The following CSRNP2 variants were observed in gnomAD, a reference collection of about 807,000 sequenced individuals.
CSRNP2 encodes the protein cysteine and serine rich nuclear protein 2.
CSRNP2 carries 11 observed loss-of-function variants against 36.6 expected under a neutral mutation model. The observed-to-expected ratio is 0.30, with a 90% CI of 0.19 to 0.50. CSRNP2 has a LOEUF of 0.50. Among genes scored for constraint, CSRNP2 ranks in the 20% least tolerant of loss-of-function variants. The pLI, the probability that CSRNP2 is intolerant of heterozygous loss-of-function variation, is 0.98. For synonymous variants in CSRNP2, 248 were observed against 275.3 expected, an observed-to-expected ratio of 0.90 and a Z score of 0.98; for missense variants, 483 against 691.4, an observed-to-expected ratio of 0.70 and a Z score of 3.38.
At chr12:51,070,495 A>T (rs952745150) in intron 3 of CSRNP2, among the ~76,000 whole-genome samples, 4 of 152,182 alleles carry the variant, frequency 2.6e-5, no homozygotes, top group African/African-American at 9.7e-5. Flanking sequence ...TTAGAGATGT[A>T]ACACGAGGAC....
At chr12:51,074,951 G>A (rs1939333759) in intron 2 of CSRNP2, among the ~76,000 whole-genome samples, 1 of 151,932 alleles carries the variant, frequency 6.6e-6, no homozygotes, top group Admixed American at 6.6e-5. Context: ...TGTAGTCCCA[G>A]CTACTCAGGA....
Position 51,067,642 on chromosome 12 carries a change from G to C in CSRNP2, c.708+31C>G, listed in dbSNP as rs4768956. ...ACCTCACCCCGCTGACCCTGGTGTA[G>C]ATATACTATCTCAGGCCAACTTGGA... On this transcript the variant is annotated intron_variant, in intron 4 of 4. Coordinates refer to ENST00000228515, the MANE Select transcript of CSRNP2 (RefSeq NM_030809.3). This position sits in a 1 kb window ranked among gnomAD's most constrained non-coding sequence, Gnocchi z 4.1. 3.1e-6 allele frequency: 5 copies of C among 1,601,552 alleles called. No homozygotes were observed. The African/African-American group carries it at 6.7e-5, about 21-fold the overall frequency.
intron 3 of CSRNP2, among the ~76,000 whole-genome samples, chr12:51,071,309 G>A (rs1022492884): frequency 1.3e-5 from 2 of 151,486 alleles, no homozygotes; most frequent in African/African-American, 4.9e-5. Flanking sequence ...GGTGGTGGGT[G>A]CAGCTGCAGT....
In CSRNP2 at chr12:51,072,403, C is replaced by CA. The variant is rs75810827; in HGVS notation, c.411+1419dup. On this transcript the variant is annotated intron_variant, in intron 3 of 4. Transcript: ENST00000228515. ...TGAAACCCCGTCTCTATTAAAAATACAAAAAAAAAAATAGCCGGGTGTGGT... is the reference window on the plus strand; with the variant it reads ...TGAAACCCCGTCTCTATTAAAAATACAAAAAAAAAAAATAGCCGGGTGTGGT... 2.1e-3 allele frequency among the ~76,000 whole-genome samples: 307 copies of CA among 143,888 alleles called. 3 individuals are homozygous for CA. The highest frequency in any genetic ancestry group is 6.9e-3 in the African/African-American group (269 of 39,120). The allele number at this position is 143,888 out of a possible 152,430, so 94.4% of individuals were successfully genotyped here.
intron 1 of CSRNP2, among the ~76,000 whole-genome samples, chr12:51,080,030 G>A (rs1439530516): frequency 1.4e-4 from 17 of 124,402 alleles, no homozygotes; most frequent in African/African-American, 1.8e-4. Flanking sequence ...CTGGGATCAC[G>A]CCATTGCACT....
Position 51,064,454 on chromosome 12 carries a change from A to G in CSRNP2, c.924T>C (p.Ser308=), listed in dbSNP as rs767756747. ...ASCSLTGAQG[S]ETQDFQEFIA... Reference sequence around the variant, plus strand: ...TGAACTCCTGGAAGTCCTGGGTCTCAGAGCCCTGTGCTCCTGTCAGGCTGC... The same window carrying G: ...TGAACTCCTGGAAGTCCTGGGTCTCGGAGCCCTGTGCTCCTGTCAGGCTGC... Residue 308 remains serine (S), a synonymous_variant, in exon 5 of 5, where the codon TCT becomes TCC. Coordinates refer to ENST00000228515, the MANE Select transcript of CSRNP2 (RefSeq NM_030809.3). The G allele has an allele frequency of 4.5e-5, 72 of 1,610,330 alleles. 1 individual carries two copies. The Admixed American group carries it at 9.9e-4, about 22-fold the overall frequency.
At chr12:51,073,281 G>T (rs114322690) in intron 3 of CSRNP2, among the ~76,000 whole-genome samples, 1 of 152,012 alleles carries the variant, frequency 6.6e-6, no homozygotes, top group African/African-American at 2.4e-5. Flanking sequence ...GTGGGGGTTT[G>T]GGAGGGGGAA....
chr12:51,069,137 G>A (rs950471402), intron 3 of CSRNP2, among the ~76,000 whole-genome samples: 5 of 150,854 alleles, frequency 3.3e-5, no homozygotes, highest in African/African-American at 9.8e-5. Flanking sequence ...CACCACGCCC[G>A]GCTAACTTTT....
chr12:51,067,287 G>C lies in CSRNP2; in HGVS notation c.708+386C>G, dbSNP rs191812903. Among the ~76,000 whole-genome samples the C allele has an allele frequency of 1.9e-4, 29 of 152,068 alleles. No individual in the cohort carries two copies. The highest frequency in any genetic ancestry group is 6.7e-4 in the African/African-American group (28 of 41,494). On this transcript the variant is annotated intron_variant, in intron 4 of 4. Coordinates refer to ENST00000228515, the MANE Select transcript of CSRNP2 (RefSeq NM_030809.3). This position sits in a 1 kb window ranked among gnomAD's most constrained non-coding sequence, Gnocchi z 4.1. ...CTGCTTCTTATCACCTCTGAGAAATGAAACAAAAAAAGATGAGATACCTCC... is the reference window on the plus strand; with the variant it reads ...CTGCTTCTTATCACCTCTGAGAAATCAAACAAAAAAAGATGAGATACCTCC...
chr12:51,063,812 C>G lies in CSRNP2; in HGVS notation c.1566G>C (p.Lys522Asn). The G allele has an allele frequency of 3.1e-6, 5 of 1,610,124 alleles. No individual in the cohort carries two copies. In the Middle Eastern group the frequency reaches 5.0e-4, roughly 160 times the overall value. Reference sequence around the variant, plus strand: ...GCCGATCCTCATTCTGCTGGGAGGTCTTCACCATCCCACAGCCCTCTTCAT... The same window carrying G: ...GCCGATCCTCATTCTGCTGGGAGGTGTTCACCATCCCACAGCCCTCTTCAT... ...TDNEEGCGMV[K>N]TSQQNEDRPP... is the part of the protein sequence containing the mutation. Residue 522 changes from lysine (K) to asparagine (N), a missense_variant, in exon 5 of 5, where the codon AAG becomes AAC. Lys to Asn is a moderately conservative substitution (Grantham distance 94). This residue lies in a region of CSRNP2 where 277 missense variants were observed against 323.6 expected (regional missense o/e 0.86). Coordinates refer to ENST00000228515, the MANE Select transcript of CSRNP2 (RefSeq NM_030809.3).
At chr12:51,069,088 G>A (rs1258017505) in intron 3 of CSRNP2, among the ~76,000 whole-genome samples, 2 of 152,004 alleles carry the variant, frequency 1.3e-5, no homozygotes, top group African/African-American at 4.8e-5. Context: ...CCATTCTCCT[G>A]CCTCAGTCTC....
intron 3 of CSRNP2, 96 bp downstream of exon 3, chr12:51,073,727 G>GAAAA: frequency 4.8e-6 from 5 of 1,032,882 alleles, no homozygotes; most frequent in Non-Finnish European, 5.4e-6. Context: ...CTCTGTCCCA[G>GAAAA]AAAAAAAAAA....
Position 51,081,521 on chromosome 12 carries a change from A to C in CSRNP2, c.-87+1818T>G, listed in dbSNP as rs188420467. ...CCTAGGAATGCAGGTAAAAACCGAC[A>C]GTTAACTGTCAAAATGACCAACTCA... is the stretch of plus-strand genomic sequence containing the variant. On this transcript the variant is annotated intron_variant, in intron 1 of 4. Transcript: ENST00000228515. 1.1e-4 allele frequency: 16 copies of C among 152,376 alleles called. No homozygotes were observed. In the East Asian group the frequency reaches 3.1e-3, roughly 29 times the overall value. The allele number at this position is 152,376 out of a possible 1,614,324, so 9.4% of individuals were successfully genotyped here. A position where few individuals can be genotyped will look rare whatever the true frequency, so the allele number is the denominator to read the frequency against.
rs367889191 is a variant in CSRNP2 at position 51,064,058 on chromosome 12, T to C, written c.1320A>G (p.Ser440=). The change falls in exon 5 of 5, where the codon TCA becomes TCG. Residue 440 remains serine, a synonymous_variant. Coordinates refer to ENST00000228515, the MANE Select transcript of CSRNP2 (RefSeq NM_030809.3). ...VKGEPGTEEG[S]ASFPKEKDLN... ...GATCCTTCTCCTTTGGGAAAGAGGC[T>C]GAGCCTTCTTCCGTACCAGGCTCTC... 6 of 1,614,128 alleles carry C rather than the reference T, an allele frequency of 3.7e-6. No individual in the cohort carries two copies. The African/African-American group carries it at 8.0e-5, about 22-fold the overall frequency.
At chr12:51,073,384 A>AT (rs1393599032) in intron 3 of CSRNP2, among the ~76,000 whole-genome samples, 7 of 151,750 alleles carry the variant, frequency 4.6e-5, no homozygotes, top group Non-Finnish European at 1.0e-4. Flanking sequence ...CAAATCTGAG[A>AT]TTTTTCATTA....
intron 4 of CSRNP2, among the ~76,000 whole-genome samples, chr12:51,065,615 G>A (rs908983266): frequency 6.6e-5 from 10 of 151,882 alleles, no homozygotes; most frequent in South Asian, 2.1e-4. Context: ...GAGCCACCGC[G>A]CCCGGCCCTA....
rs1937671651 is a variant in CSRNP2 at position 51,062,451 on chromosome 12, G to C, written c.*1295C>G. On this transcript the variant is annotated 3_prime_UTR_variant, in exon 5 of 5. Coordinates refer to ENST00000228515, the MANE Select transcript of CSRNP2 (RefSeq NM_030809.3). ...CAATGGAGATCTTAGAACACAGGAT[G>C]AACAGGAACTGTATTCCTCCTGACA... The C allele has an allele frequency of 6.6e-6, 1 of 152,196 alleles. No individual in the cohort carries two copies. The highest frequency in any genetic ancestry group is 6.5e-5 in the Admixed American group (1 of 15,274). 9.4% of individuals were successfully genotyped at this position (152,196 alleles called of 1,614,324 possible).
intron 1 of CSRNP2, among the ~76,000 whole-genome samples, chr12:51,077,061 GGAAA>G (rs1179377956): frequency 9.1e-6 from 1 of 109,856 alleles, no homozygotes; most frequent in African/African-American, 3.2e-5. Context: ...AAAAAAAAAA[GGAAA>G]AAAAGAAAAG....
chr12:51,066,077 CG>C (rs1486028183), intron 4 of CSRNP2, among the ~76,000 whole-genome samples: 1 of 151,984 alleles, frequency 6.6e-6, no homozygotes, highest in African/African-American at 2.4e-5. Context: ...CCCAGTACTT[CG>C]GGAGGCTGAG....
Sources: allele counts gnomAD v4.1 joint callset (sites outside exome capture counted in the v4.1 genomes callset), GRCh38; gene constraint gnomAD v4.1.1; regional missense constraint gnomAD v4.1.1; non-coding constraint Gnocchi (gnomAD v3.1); transcripts MANE v1.5; gene names NCBI Gene and HGNC (gene_info 2026-07-23, HGNC 2026-07-21).